Variants in HERC1 observed in about 807,000 individuals in gnomAD.
The protein encoded by HERC1 is probable E3 ubiquitin-protein ligase HERC1.
A neutral mutation model predicts 554.3 loss-of-function variants in HERC1; 160 were observed. That is an observed-to-expected ratio of 0.29 (90% CI 0.25 to 0.33). The LOEUF is 0.33. Ranked by LOEUF, HERC1 falls within the 10% of genes least tolerant of loss-of-function variation. The probability of loss-of-function intolerance (pLI) is 1.00; values close to 1 mark genes in which losing one functional copy is unlikely to be tolerated. For missense variants in HERC1, 4,919 were observed against 5,918.5 expected (o/e 0.83, Z 5.54); for synonymous variants, 2,175 against 2,131.7 (o/e 1.02, Z -0.56).
intron 1 of HERC1, among the ~76,000 whole-genome samples, chr15:63,812,009 C>A (rs2077337454): frequency 6.6e-6 from 1 of 152,102 alleles, no homozygotes; most frequent in Admixed American, 6.5e-5. Context: ...ACAACATAAT[C>A]ATTTTTAAGT....
intron 66 of HERC1, among the ~76,000 whole-genome samples, chr15:63,634,363 G>C (rs1407401637): frequency 6.6e-6 from 1 of 152,158 alleles, no homozygotes; most frequent in African/African-American, 2.4e-5. Flanking sequence ...TACTACTTAG[G>C]AGCAGTAGCT....
intron 39 of HERC1, among the ~76,000 whole-genome samples, chr15:63,670,054 A>C (rs1566992760): frequency 6.6e-6 from 1 of 152,240 alleles, no homozygotes; most frequent in Admixed American, 6.5e-5. Context: ...AGTGCAAAGA[A>C]GGCTTTTAAA....
intron 60 of HERC1, among the ~76,000 whole-genome samples, chr15:63,641,064 C>A (rs1237329170): frequency 1.3e-5 from 2 of 152,162 alleles, no homozygotes; most frequent in Non-Finnish European, 2.9e-5. Context: ...AAAGATTTAT[C>A]TAATAAGTGG....
intron 1 of HERC1, among the ~76,000 whole-genome samples, chr15:63,789,921 G>T (rs1301248213): frequency 6.6e-6 from 1 of 151,876 alleles, no homozygotes; most frequent in Non-Finnish European, 1.5e-5. Flanking sequence ...CTAAATACTA[G>T]AAAGAAGATG....
At chr15:63,782,783 G>C (rs183298238) in intron 1 of HERC1, among the ~76,000 whole-genome samples, 49 of 152,310 alleles carry the variant, frequency 3.2e-4, no homozygotes, top group Non-Finnish European at 5.9e-4. Context: ...ATGGTTCATG[G>C]GGAAAAGGCC....
At chr15:63,660,929 T>G (rs757493748) in intron 46 of HERC1, 44 bp downstream of exon 46, 16 of 1,150,192 alleles carry the variant, frequency 1.4e-5, no homozygotes, top group Non-Finnish European at 2.0e-5. Flanking sequence ...AGAGAGGATA[T>G]ATAAAAAAAC....
intron 74 of HERC1, among the ~76,000 whole-genome samples, chr15:63,619,513 A>G (rs1423431468): frequency 6.6e-6 from 1 of 152,142 alleles, no homozygotes; most frequent in African/African-American, 2.4e-5. Flanking sequence ...GGCCTCCTAA[A>G]ATGAGTTAGG....
At chr15:63,614,461 CA>C (rs1263289792) in intron 76 of HERC1, among the ~76,000 whole-genome samples, 1 of 152,194 alleles carries the variant, frequency 6.6e-6, no homozygotes, top group Non-Finnish European at 1.5e-5. Flanking sequence ...CAACTGGAGA[CA>C]AACACTAATC....
intron 30 of HERC1, among the ~76,000 whole-genome samples, chr15:63,693,712 C>G (rs2072252034): frequency 6.6e-6 from 1 of 152,072 alleles, no homozygotes; most frequent in South Asian, 2.1e-4. Context: ...GCCCAGACAG[C>G]CAAGGAGAGG....
chr15:63,747,979 A>G lies in HERC1; in HGVS notation c.2220-121T>C, dbSNP rs559915714. 1.1e-4 allele frequency: 102 copies of G among 938,562 alleles called. No individual in the cohort carries two copies. In the Admixed American group the frequency reaches 2.8e-3, roughly 26 times the overall value. The allele number at this position is 938,562 out of a possible 1,614,324, so 58.1% of individuals were successfully genotyped here. On this transcript the variant is annotated intron_variant, in intron 10 of 77. Coordinates refer to ENST00000443617, the MANE Select transcript of HERC1 (RefSeq NM_003922.4). The stretch of plus-strand genomic sequence containing the variant: ...GGTGGCTCATGCCTGTAATCCTAGC[A>G]CTTTGGGAGGCCAAGGAATGCAGAT...
intron 22 of HERC1, among the ~76,000 whole-genome samples, chr15:63,715,240 C>T (rs1156232282): frequency 6.6e-6 from 1 of 152,146 alleles, no homozygotes; most frequent in Non-Finnish European, 1.5e-5. Context: ...AGAACTTGAC[C>T]AGTGCCTGGC....
Position 63,718,377 on chromosome 15 carries a change from A to G in HERC1, c.3978+197T>C, listed in dbSNP as rs143502886. The G allele has an allele frequency of 5.7e-4, 276 of 486,686 alleles. No individual in the cohort carries two copies. The highest frequency in any genetic ancestry group is 5.0e-3 in the African/African-American group (258 of 51,148). The allele number at this position is 486,686 out of a possible 1,614,324, so 30.1% of individuals were successfully genotyped here. A position where few individuals can be genotyped will look rare whatever the true frequency, so the allele number is the denominator to read the frequency against. ...AGCCAACTAAAGTTTCTTAGAACCA[A>G]TATCACACTTGGTAAATGTGAGGTT... On this transcript the variant is annotated intron_variant, in intron 21 of 77. Coordinates refer to ENST00000443617, the MANE Select transcript of HERC1 (RefSeq NM_003922.4). The surrounding 1 kb of genome is among the most constrained non-coding windows in gnomAD (Gnocchi z 4.2).
chr15:63,698,912 T>G lies in HERC1; in HGVS notation c.4721A>C (p.Tyr1574Ser). 1.2e-6 allele frequency: 2 copies of G among 1,613,770 alleles called. No individual in the cohort carries two copies. The highest frequency in any genetic ancestry group is 1.7e-6 in the Non-Finnish European group (2 of 1,179,704). Residue 1574 changes from tyrosine (Y) to serine (S), a missense_variant, in exon 26 of 78, where the codon TAT (tyrosine) becomes TCT (serine). Transcript: ENST00000443617. ...HSRDWLCNSS[Y>S]SFESDFDLTK... ...AAGATCAAAATCTGACTCAAAGGAATAGGAGGAGTTGCATAACCAGTCTCT... is the reference window on the plus strand; with the variant it reads ...AAGATCAAAATCTGACTCAAAGGAAGAGGAGGAGTTGCATAACCAGTCTCT...
Position 63,632,728 on chromosome 15 carries a change from A to G in HERC1, c.12777T>C (p.His4259=), listed in dbSNP as rs1325948327. ...TCTTACCTTGACCAAAGGTATACAC[A>G]TGACCATCTTTGGTCAAAGCAACAG... The part of the protein sequence containing the change: ...QFSVALTKDG[H]VYTFGQDRLI... The change falls in exon 68 of 78, where the codon CAT becomes CAC. Residue 4259 remains histidine, a synonymous_variant. Transcript: ENST00000443617. The G allele has an allele frequency of 1.2e-5, 18 of 1,559,898 alleles. No homozygotes were observed. The highest frequency in any genetic ancestry group is 5.4e-5 in the African/African-American group (4 of 73,800).
chr15:63,623,675 T>C (rs896549966), intron 73 of HERC1, 50 bp downstream of exon 73: 2 of 1,557,200 alleles, frequency 1.3e-6, no homozygotes, highest in African/African-American at 2.7e-5. Context: ...AACAGCAAAA[T>C]GGCCACTAGC....
Position 63,692,640 on chromosome 15 carries a change from T to G in HERC1, c.5675-74A>C, listed in dbSNP as rs2153044637. 7.8e-7 allele frequency: 1 copy of G among 1,282,882 alleles called. No individual in the cohort carries two copies. The highest frequency in any genetic ancestry group is 2.5e-5 in the East Asian group (1 of 39,768). 79.5% of individuals were successfully genotyped at this position (1,282,882 alleles called of 1,614,324 possible). ...TAGTCTTATATCACATAATTTACCTTGAAACTGCAGTAAGCACAAATCTAA... is the reference window on the plus strand; with the variant it reads ...TAGTCTTATATCACATAATTTACCTGGAAACTGCAGTAAGCACAAATCTAA... On this transcript the variant is annotated intron_variant, in intron 30 of 77. Coordinates refer to ENST00000443617, the MANE Select transcript of HERC1 (RefSeq NM_003922.4). This position sits in a 1 kb window ranked among gnomAD's most constrained non-coding sequence, Gnocchi z 4.7.
intron 1 of HERC1, among the ~76,000 whole-genome samples, chr15:63,809,272 A>G (rs1352095513): frequency 6.6e-6 from 1 of 152,164 alleles, no homozygotes; most frequent in African/African-American, 2.4e-5. Context: ...ATTCTAATGA[A>G]CCAAGGGTCA....
intron 1 of HERC1, among the ~76,000 whole-genome samples, chr15:63,776,587 C>G (rs773944619): frequency 6.6e-6 from 1 of 152,212 alleles, no homozygotes; most frequent in Non-Finnish European, 1.5e-5. Context: ...ACAGCATGAA[C>G]TGACTGTGAG....
intron 1 of HERC1, among the ~76,000 whole-genome samples, chr15:63,830,563 AAGTAAAATCTATAGTCAATAG>A (rs1297660220): frequency 6.6e-6 from 1 of 152,214 alleles, no homozygotes; most frequent in African/African-American, 2.4e-5. Flanking sequence ...CAGTGAAATT[AAGTAAAATCTATAGTCAATAG>A]AGTTACACCA....
Sources: gnomAD v4.1 joint callset for allele counts (sites outside exome capture counted in the v4.1 genomes callset) on GRCh38, gnomAD v4.1.1 for gene constraint, Gnocchi (gnomAD v3.1) non-coding constraint, MANE v1.5 for transcripts, NCBI Gene and HGNC (gene_info 2026-07-23, HGNC 2026-07-21) for gene names.